The following LRP1 variants were observed in gnomAD, a reference collection of about 807,000 sequenced individuals.
LRP1 encodes the protein LDL receptor related protein 1.
LRP1 carries 51 observed loss-of-function variants against 541.5 expected under a neutral mutation model. The ratio of observed to expected loss-of-function variants is 0.09; its 90% CI spans 0.08 to 0.12. The LOEUF is 0.12. Ranked by LOEUF, LRP1 falls within the 10% of genes least tolerant of loss-of-function variation. LRP1 has a pLI of 1.00. For synonymous variants in LRP1, 2,219 were observed against 2,470.8 expected, an observed-to-expected ratio of 0.90 and a Z score of 3.02; for missense variants, 3,878 against 6,376.2, an observed-to-expected ratio of 0.61 and a Z score of 13.34.
In LRP1 at chr12:57,185,849, A is replaced by G. The variant is rs2036259291; in HGVS notation, c.6782A>G (p.His2261Arg). The G allele has an allele frequency of 6.2e-7, 1 of 1,613,990 alleles. No homozygotes were observed. The highest frequency in any genetic ancestry group is 1.1e-5 in the South Asian group (1 of 91,080). The change falls in exon 41 of 89, where the codon CAC becomes CGC. Residue 2261 changes from histidine to arginine, a missense_variant. Physicochemically the swap from His to Arg is conservative, Grantham distance 29 (BLOSUM62 0). Coordinates refer to ENST00000243077, the MANE Select transcript of LRP1 (RefSeq NM_002332.3). The surrounding 1 kb of genome is among the most constrained non-coding windows in gnomAD (Gnocchi z 4.9). The stretch of plus-strand genomic sequence containing the variant: ...AATCGCATCTTCTTCAGCGACATCC[A>G]CTTTGGGAACATCCAACAGATCAAC... ...TPNRIFFSDIHFGNIQQINDD... is the reference protein window; with the variant it reads ...TPNRIFFSDIRFGNIQQINDD...
chr12:57,128,997 C>T lies in LRP1; in HGVS notation c.33C>T (p.Pro11=). The T allele has an allele frequency of 6.4e-6, 10 of 1,551,396 alleles. No individual in the cohort carries two copies. Among genetic ancestry groups the T allele is most frequent in the African/African-American group, 1.4e-5 (1 of 73,162 alleles). Residue 11 remains proline, a synonymous_variant, in exon 1 of 89, where the codon CCC becomes CCT. Coordinates refer to ENST00000243077, the MANE Select transcript of LRP1 (RefSeq NM_002332.3). ...CCCCGCCGTTGCTCCTGCTGCTGCC[C>T]CTGCTCTCAGCTCTGGTCGCGGCGG... MLTPPLLLLL[P]LLSALVAAAI...
intron 42 of LRP1, among the ~76,000 whole-genome samples, chr12:57,188,120 T>G (rs1423977813): frequency 1.3e-5 from 2 of 150,974 alleles, no homozygotes; most frequent in Non-Finnish European, 1.5e-5. Context: ...TGCGGAGGAG[T>G]TAGGAGCACA....
intron 4 of LRP1, among the ~76,000 whole-genome samples, 177 bp downstream of exon 4, chr12:57,143,975 C>T (rs2035348949): frequency 6.6e-6 from 1 of 152,232 alleles, no homozygotes; most frequent in Non-Finnish European, 1.5e-5. Flanking sequence ...TTTGCTTCCA[C>T]TAGACTTCTA....
At chr12:57,148,387 G>A (rs1334299077) in intron 6 of LRP1, among the ~76,000 whole-genome samples, 1 of 152,108 alleles carries the variant, frequency 6.6e-6, no homozygotes, top group East Asian at 1.9e-4. Flanking sequence ...GAAAATTGAG[G>A]CCCAGAGGGA....
At position 57,205,943 on chromosome 12, in the gene LRP1, A is replaced by G. The variant is rs1485620687; in HGVS notation, c.11590+266A>G. Among the ~76,000 whole-genome samples, 2 of 152,058 alleles carry G rather than the reference A, an allele frequency of 1.3e-5. No homozygotes were observed. The highest frequency in any genetic ancestry group is 1.9e-4 in the East Asian group (1 of 5,202). Reference sequence around the variant, plus strand: ...CCCACCACTGCCAGGACGAGAGTACACTCAGACACGCATTGCACACTCACA... The same window carrying G: ...CCCACCACTGCCAGGACGAGAGTACGCTCAGACACGCATTGCACACTCACA... On this transcript the variant is annotated intron_variant, in intron 75 of 88. Coordinates refer to ENST00000243077, the MANE Select transcript of LRP1 (RefSeq NM_002332.3). The surrounding 1 kb of genome is among the most constrained non-coding windows in gnomAD (Gnocchi z 4.6).
At position 57,173,894 on chromosome 12, in the gene LRP1, A is replaced by C; in HGVS notation, c.3461A>C (p.Asn1154Thr). ...ACRPPSHPCA[N>T]NTSVCLPPDK... is the part of the protein sequence containing the mutation. ...AGGCCACCCTCGCACCCTTGTGCCAACAACACCTCAGTCTGCCTGCCCCCT... is the reference window on the plus strand; with the variant it reads ...AGGCCACCCTCGCACCCTTGTGCCACCAACACCTCAGTCTGCCTGCCCCCT... The change falls in exon 22 of 89, where the codon AAC (asparagine) becomes ACC (threonine). Residue 1154 changes from asparagine to threonine, a missense_variant. Physicochemically the swap from Asn to Thr is moderately conservative, Grantham distance 65. Around this residue, in one of 13 missense-constraint regions of LRP1, gnomAD observed 320 missense variants for 547.9 expected, o/e 0.58. Coordinates refer to ENST00000243077, the MANE Select transcript of LRP1 (RefSeq NM_002332.3). The surrounding 1 kb of genome is among the most constrained non-coding windows in gnomAD (Gnocchi z 4.7). 6.2e-7 allele frequency: 1 copy of C among 1,614,236 alleles called. No homozygotes were observed. Among genetic ancestry groups the C allele is most frequent in the Non-Finnish European group, 8.5e-7 (1 of 1,180,036 alleles).
At chr12:57,163,071 G>C (rs2136684031) in intron 15 of LRP1, 88 bp downstream of exon 15, 1 of 1,484,414 alleles carries the variant, frequency 6.7e-7, no homozygotes. Context: ...CAGGGTCCCA[G>C]TCAGAGATTA....
Position 57,193,879 on chromosome 12 carries a change from C to A in LRP1, c.7805-20C>A. 6.2e-7 allele frequency: 1 copy of A among 1,608,126 alleles called. No individual in the cohort carries two copies. Among genetic ancestry groups the A allele is most frequent in the Non-Finnish European group, 8.5e-7 (1 of 1,175,234 alleles). ...CAGAGAAAACTCTGGCCTGACGATA[C>A]GGGGCGGGCACTGTTCTAGAGACAG... On this transcript the variant is annotated intron_variant, in intron 47 of 88. Coordinates refer to ENST00000243077, the MANE Select transcript of LRP1 (RefSeq NM_002332.3).
Position 57,179,287 on chromosome 12 carries a change from A to G in LRP1, c.4739-42A>G, listed in dbSNP as rs751956178. 2.1e-6 allele frequency: 3 copies of G among 1,446,870 alleles called. No individual in the cohort carries two copies. In the East Asian group the frequency reaches 6.9e-5, roughly 33 times the overall value. 89.6% of individuals were successfully genotyped at this position (1,446,870 alleles called of 1,614,324 possible). A position where few individuals can be genotyped will look rare whatever the true frequency, so the allele number is the denominator to read the frequency against. On this transcript the variant is annotated intron_variant, in intron 28 of 88. Transcript: ENST00000243077. This position sits in a 1 kb window ranked among gnomAD's most constrained non-coding sequence, Gnocchi z 6.8. ...CTGAAACCGGATTGGTGGGAAGCAC[A>G]GAGGCAGGGACTGCCTTCAGTGACC...
At position 57,129,822 on chromosome 12, in the gene LRP1, G is replaced by A. The variant is rs139013864; in HGVS notation, c.67+791G>A. On this transcript the variant is annotated intron_variant, in intron 1 of 88. Coordinates refer to ENST00000243077, the MANE Select transcript of LRP1 (RefSeq NM_002332.3). Reference sequence around the variant, plus strand: ...ATGCTGGGGTAGGAGGGTGGGGGAGGCTGCCTTCTTCCTGACTTCTGGCTT... The same window carrying A: ...ATGCTGGGGTAGGAGGGTGGGGGAGACTGCCTTCTTCCTGACTTCTGGCTT... Among the ~76,000 whole-genome samples the A allele has an allele frequency of 3.3e-3, 496 of 152,248 alleles. 2 individuals carry two copies. Among genetic ancestry groups the A allele is most frequent in the Admixed American group, 6.9e-3 (105 of 15,296 alleles).
At position 57,197,200 on chromosome 12, in the gene LRP1, A is replaced by G. The variant is rs1230985323; in HGVS notation, c.9076+35A>G. The G allele has an allele frequency of 6.2e-7, 1 of 1,613,632 alleles. No individual in the cohort carries two copies. The highest frequency in any genetic ancestry group is 8.5e-7 in the Non-Finnish European group (1 of 1,179,792). On this transcript the variant is annotated intron_variant, in intron 56 of 88. Coordinates refer to ENST00000243077, the MANE Select transcript of LRP1 (RefSeq NM_002332.3). The surrounding 1 kb of genome is among the most constrained non-coding windows in gnomAD (Gnocchi z 4.5). ...GCGCTTGGAGGGCATGAGGTGACCC[A>G]GGCTGTGTGGGACTGCCCGGGTGGC...
rs780247378 is a variant in LRP1, at chr12:57,193,574, C to T, written c.7693C>T (p.Arg2565Cys). The T allele has an allele frequency of 5.6e-6, 9 of 1,613,952 alleles. No individual in the cohort carries two copies. Among genetic ancestry groups the T allele is most frequent in the Admixed American group, 1.7e-5 (1 of 60,016 alleles). Residue 2565 changes from arginine to cysteine, a missense_variant, in exon 47 of 89, where the codon CGC becomes TGC. Physicochemically the swap from Arg to Cys is radical, Grantham distance 180. Around this residue, in one of 13 missense-constraint regions of LRP1, gnomAD observed 1,100 missense variants for 1,827.4 expected, o/e 0.60. Coordinates refer to ENST00000243077, the MANE Select transcript of LRP1 (RefSeq NM_002332.3). Reference protein sequence around the residue: ...DEKPSYCNSRRCKKTFRQCSN... With the variant: ...DEKPSYCNSRCCKKTFRQCSN... ...TACTCCTCCATTTGCAGACTCCCGC[C>T]GCTGCAAGAAGACTTTCCGGCAGTG...
chr12:57,145,663 C>T (rs1025928623), intron 6 of LRP1, among the ~76,000 whole-genome samples, 173 bp downstream of exon 6: 6 of 152,142 alleles, frequency 3.9e-5, no homozygotes, highest in South Asian at 4.1e-4. Context: ...GCCACCGGCA[C>T]GCTCCCTCCC....
rs763205509 is a variant in LRP1, at chr12:57,206,716, T to C, written c.11834T>C (p.Ile3945Thr). ...PTTSNRHRRQ[I>T]DRGVTHLNIS... The stretch of plus-strand genomic sequence containing the variant: ...ACTTCCAACCGCCACCGGCGACAGA[T>C]TGACCGGGGTGTCACCCACCTCAAC... Residue 3945 changes from isoleucine to threonine, a missense_variant, in exon 76 of 89, where the codon ATT becomes ACT. Ile to Thr is a moderately conservative substitution (Grantham distance 89, BLOSUM62 -1). Coordinates refer to ENST00000243077, the MANE Select transcript of LRP1 (RefSeq NM_002332.3). This position sits in a 1 kb window ranked among gnomAD's most constrained non-coding sequence, Gnocchi z 4.7. The C allele has an allele frequency of 6.2e-7, 1 of 1,612,870 alleles. No individual in the cohort carries two copies.
chr12:57,145,937 G>A (rs778661398), intron 6 of LRP1, among the ~76,000 whole-genome samples: 1 of 152,126 alleles, frequency 6.6e-6, no homozygotes, highest in Non-Finnish European at 1.5e-5. Context: ...CGTTTCCCTC[G>A]GGGACCATTG....
At chr12:57,159,687 T>C (rs2035689310) in intron 11 of LRP1, 138 bp from the exon 12 acceptor site, 1 of 710,978 alleles carries the variant, frequency 1.4e-6, no homozygotes, top group Non-Finnish European at 2.4e-6. Flanking sequence ...CCCACCCATC[T>C]GTCTAGGGCC....
intron 1 of LRP1, among the ~76,000 whole-genome samples, chr12:57,130,927 C>T (rs1398953383): frequency 2.6e-5 from 4 of 152,152 alleles, no homozygotes; most frequent in African/African-American, 4.8e-5. Context: ...AAACACACAC[C>T]AATATTTCTG....
In LRP1 at chr12:57,181,302, G is replaced by A; in HGVS notation, c.5662+11G>A. 1 of 1,607,340 alleles carries A rather than the reference G, an allele frequency of 6.2e-7. No individual in the cohort carries two copies. The highest frequency in any genetic ancestry group is 8.5e-7 in the Non-Finnish European group (1 of 1,177,828). On this transcript the variant is annotated intron_variant, in intron 34 of 88. Transcript: ENST00000243077. ...AGCAGGCCTGCGAGGGTCAGTGCCT[G>A]GCTTTCCTCCCAGCCTTGTCCCAGC...
Position 57,178,732 on chromosome 12 carries a change from C to T in LRP1, c.4606+129C>T, listed in dbSNP as rs572087182. 74 of 1,519,690 alleles carry T rather than the reference C, an allele frequency of 4.9e-5. No homozygotes were observed. Among genetic ancestry groups the T allele is most frequent in the African/African-American group, 3.4e-4 (25 of 72,978 alleles). 94.1% of individuals were successfully genotyped at this position (1,519,690 alleles called of 1,614,324 possible). ...CTGTGCTGGGATGGCAGGGGTAGGC[C>T]GGCTGTTGACAGAGGCACTGTCTAG... is the stretch of plus-strand genomic sequence containing the variant. On this transcript the variant is annotated intron_variant, in intron 27 of 88. Transcript: ENST00000243077. This position sits in a 1 kb window ranked among gnomAD's most constrained non-coding sequence, Gnocchi z 5.8.
Sources: allele counts gnomAD v4.1 joint callset (sites outside exome capture counted in the v4.1 genomes callset), GRCh38; gene constraint gnomAD v4.1.1; regional missense constraint gnomAD v4.1.1; non-coding constraint Gnocchi (gnomAD v3.1); transcripts MANE v1.5; gene names NCBI Gene and HGNC (gene_info 2026-07-23, HGNC 2026-07-21).